STMN2: variants seen among roughly 807,000 people sequenced by gnomAD.
STMN2 encodes stathmin-2.
In STMN2, 2 loss-of-function variants were observed where a neutral mutation model predicts 24.1. The ratio of observed to expected loss-of-function variants is 0.08; its 90% confidence interval spans 0.03 to 0.26. The LOEUF (loss-of-function observed/expected upper bound fraction) is 0.26. Ranked by LOEUF, STMN2 falls within the 10% of genes least tolerant of loss-of-function variation. The pLI is 1.00. For synonymous variants in STMN2, 83 were observed against 77.5 expected (o/e 1.07, Z -0.37); for missense variants, 114 against 213.6 (o/e 0.53, Z 2.91).
At position 79,642,857 on chromosome 8, in the gene STMN2, T is replaced by G. The variant is rs189611449; in HGVS notation, c.288+1307T>G. Among the ~76,000 whole-genome samples the G allele has an allele frequency of 6.7e-3, 1,006 of 149,748 alleles. 10 individuals are homozygous for G. The highest frequency in any genetic ancestry group is 0.024 in the African/African-American group (975 of 41,118). On this transcript the variant is annotated intron_variant, in intron 3 of 4. Coordinates refer to ENST00000220876, the MANE Select transcript of STMN2 (RefSeq NM_007029.4). The stretch of plus-strand genomic sequence containing the variant: ...TCACCTAAGAGTGATGTTCTCCAAA[T>G]GTCCGATGAGCATGTCATATATATA...
At chr8:79,657,184 C>T (rs551421941) in intron 4 of STMN2, among the ~76,000 whole-genome samples, 29 of 152,286 alleles carry the variant, frequency 1.9e-4, no homozygotes, top group African/African-American at 6.7e-4. Flanking sequence ...AGGGCATATC[C>T]TTCTTGATTT....
At chr8:79,618,197 C>G (rs142182951) in intron 1 of STMN2, among the ~76,000 whole-genome samples, 2 of 152,280 alleles carry the variant, frequency 1.3e-5, no homozygotes, top group African/African-American at 4.8e-5. Flanking sequence ...AAAATACTTC[C>G]AAATTGATGC....
At chr8:79,661,438 T>A (rs921934666) in intron 4 of STMN2, among the ~76,000 whole-genome samples, 1 of 152,160 alleles carries the variant, frequency 6.6e-6, no homozygotes, top group Non-Finnish European at 1.5e-5. Context: ...TTACACCTAT[T>A]GCATTCTTCT....
intron 1 of STMN2, chr8:79,620,872 C>A: frequency 3.1e-6 from 2 of 646,818 alleles, no homozygotes; most frequent in Non-Finnish European, 3.8e-6. Flanking sequence ...AGGTCTGAAG[C>A]AGGTCCCATG....
intron 3 of STMN2, among the ~76,000 whole-genome samples, chr8:79,653,001 TTTATG>T (rs1810368202): frequency 6.6e-6 from 1 of 152,142 alleles, no homozygotes; most frequent in Non-Finnish European, 1.5e-5. Flanking sequence ...TTGAACTCAA[TTTATG>T]TTATAATTTT....
Position 79,632,953 on chromosome 8 carries a change from T to C in STMN2, c.20-3849T>C, listed in dbSNP as rs181523454. Among the ~76,000 whole-genome samples, 484 of 152,374 alleles carry C rather than the reference T, an allele frequency of 3.2e-3. 3 individuals carry two copies. The highest frequency in any genetic ancestry group is 0.011 in the African/African-American group (457 of 41,582). On this transcript the variant is annotated intron_variant, in intron 1 of 4. Coordinates refer to ENST00000220876, the MANE Select transcript of STMN2 (RefSeq NM_007029.4). ...TAATCCCATCTTTCAAAGTGTTCAG[T>C]GGCTCCGAATTCAGTTACTGTTTCC...
At chr8:79,628,179 T>G (rs1372569822) in intron 1 of STMN2, among the ~76,000 whole-genome samples, 3 of 152,052 alleles carry the variant, frequency 2.0e-5, no homozygotes, top group Non-Finnish European at 4.4e-5. Context: ...TTTTTTTTAT[T>G]TTGAGACAGA....
At chr8:79,634,928 A>T (rs188762902) in intron 1 of STMN2, among the ~76,000 whole-genome samples, 1 of 152,228 alleles carries the variant, frequency 6.6e-6, no homozygotes. Context: ...GAAACTGTTA[A>T]CCTGGGAGGT....
intron 1 of STMN2, among the ~76,000 whole-genome samples, chr8:79,616,599 A>T (rs34110875): frequency 0.11 from 16,060 of 152,242 alleles, 1,168 homozygotes; most frequent in Non-Finnish European, 0.16. Context: ...GCTGATTCTG[A>T]CCACTAAACA....
chr8:79,662,469 T>C (rs960934204), intron 4 of STMN2, among the ~76,000 whole-genome samples: 1 of 152,108 alleles, frequency 6.6e-6, no homozygotes, highest in Non-Finnish European at 1.5e-5. Context: ...TATGGGAAAT[T>C]ACATGCTTCC....
chr8:79,656,340 G>A (rs75896522), intron 4 of STMN2, among the ~76,000 whole-genome samples: 4 of 152,258 alleles, frequency 2.6e-5, no homozygotes, highest in South Asian at 2.1e-4. Flanking sequence ...TGCCTTATCC[G>A]AAACATGAAA....
chr8:79,624,453 C>CAAAAAA (rs1011493193), intron 1 of STMN2, among the ~76,000 whole-genome samples: 23 of 45,076 alleles, frequency 5.1e-4, no homozygotes, highest in East Asian at 7.0e-4. Flanking sequence ...GACTCCGTCT[C>CAAAAAA]AAAAAAAAAA....
At chr8:79,636,460 G>A (rs549866815) in intron 1 of STMN2, among the ~76,000 whole-genome samples, 1 of 152,192 alleles carries the variant, frequency 6.6e-6, no homozygotes, top group South Asian at 2.1e-4. Context: ...TCTCTCTCTG[G>A]TAATCATGTC....
At chr8:79,649,808 T>C (rs1388607671) in intron 3 of STMN2, among the ~76,000 whole-genome samples, 1 of 152,252 alleles carries the variant, frequency 6.6e-6, no homozygotes, top group Non-Finnish European at 1.5e-5. Context: ...CTCAAATTTA[T>C]CTTCCACTCC....
At chr8:79,664,667 A>G (rs1806564814) in intron 4 of STMN2, 148 bp from the exon 5 acceptor site, 3 of 522,276 alleles carry the variant, frequency 5.7e-6, no homozygotes, top group Non-Finnish European at 9.9e-6. Context: ...CTAACATGAC[A>G]TTTTGCAGGG....
At chr8:79,618,292 G>A (rs1563432786) in intron 1 of STMN2, among the ~76,000 whole-genome samples, 1 of 152,158 alleles carries the variant, frequency 6.6e-6, no homozygotes, top group Non-Finnish European at 1.5e-5. Flanking sequence ...AGGCCGTGTG[G>A]GTTGTAACGT....
intron 1 of STMN2, among the ~76,000 whole-genome samples, chr8:79,631,747 T>C (rs1159462323): frequency 1.3e-5 from 2 of 152,204 alleles, no homozygotes; most frequent in African/African-American, 4.8e-5. Flanking sequence ...ATTACATATC[T>C]GACTTTTAAA....
chr8:79,644,711 G>C (rs1810180989), intron 3 of STMN2, among the ~76,000 whole-genome samples: 1 of 152,194 alleles, frequency 6.6e-6, no homozygotes, highest in Non-Finnish European at 1.5e-5. Context: ...TAAATGTTTA[G>C]TGTTACTATA....
At chr8:79,617,662 C>T (rs903251665) in intron 1 of STMN2, among the ~76,000 whole-genome samples, 1 of 152,206 alleles carries the variant, frequency 6.6e-6, no homozygotes, top group Admixed American at 6.5e-5. Flanking sequence ...GGGCAGGGCT[C>T]TCTGTATAAC....
Sources: gnomAD v4.1 joint callset for allele counts (sites outside exome capture counted in the v4.1 genomes callset) on GRCh38, gnomAD v4.1.1 for gene constraint, MANE v1.5 for transcripts, NCBI Gene and HGNC (gene_info 2026-07-23, HGNC 2026-07-21) for gene names.